ARHGAP32: variants seen among roughly 807,000 people sequenced by gnomAD.
ARHGAP32 encodes the protein rho GTPase-activating protein 32.
ARHGAP32 carries 51 observed loss-of-function variants against 186.5 expected under a neutral mutation model. That is an observed-to-expected ratio of 0.27 (90% CI 0.22 to 0.35). ARHGAP32 has a LOEUF of 0.35. ARHGAP32 is among the 10% of genes least tolerant of loss of function. The pLI is 1.00. For missense variants in ARHGAP32, 2,186 were observed against 2,623.5 expected (o/e 0.83, Z 3.64); for synonymous variants, 950 against 964.3 (o/e 0.99, Z 0.27).
chr11:129,061,297 G>A (rs1940493144), intron 10 of ARHGAP32, among the ~76,000 whole-genome samples: 1 of 152,120 alleles, frequency 6.6e-6, no homozygotes, highest in Non-Finnish European at 1.5e-5. Flanking sequence ...TGCTAAGTCA[G>A]TCTAATAGAT....
upstream of ARHGAP32, among the ~76,000 whole-genome samples, chr11:129,193,355 C>CCCTGTAGT (rs1944305178): frequency 8.7e-6 from 1 of 114,728 alleles, no homozygotes; most frequent in Middle Eastern, 4.9e-3. Context: ...TGGTGGTGCA[C>CCCTGTAGT]CCTGTAGTCC....
intron 5 of ARHGAP32, among the ~76,000 whole-genome samples, chr11:129,098,833 AC>A (rs1941810024): frequency 6.6e-6 from 1 of 152,214 alleles, no homozygotes; most frequent in Non-Finnish European, 1.5e-5. Context: ...AAAAGAGGAG[AC>A]CATGGAGCTA....
chr11:129,251,267 G>A lies in ARHGAP32; in HGVS notation c.-5+27879C>T, dbSNP rs1436512292. Among the ~76,000 whole-genome samples, 3 of 152,050 alleles carry A rather than the reference G, an allele frequency of 2.0e-5. No homozygotes were observed. The South Asian group carries it at 6.2e-4, about 31-fold the overall frequency. ...TCTCTCTTTCAATGAAATACGATGT[G>A]CTCCAAAAACCTAGGCTATGAAATA... On this transcript the variant is annotated intron_variant, in intron 1 of 6. Coordinates refer to the ARHGAP32 transcript ENST00000525234.
intron 1 of ARHGAP32, among the ~76,000 whole-genome samples, chr11:129,173,887 C>G (rs1051432640): frequency 6.6e-5 from 10 of 151,986 alleles, no homozygotes; most frequent in Non-Finnish European, 8.8e-5. Context: ...GTCTTATTCA[C>G]TTGGGGAAAA....
At chr11:129,043,531 C>T (rs761390536) in intron 10 of ARHGAP32, among the ~76,000 whole-genome samples, 2 of 151,892 alleles carry the variant, frequency 1.3e-5, no homozygotes, top group South Asian at 2.1e-4. Flanking sequence ...GGATTATACG[C>T]GTGCGCCACC....
In ARHGAP32 at chr11:129,064,152, A is replaced by T. The variant is rs1940609488; in HGVS notation, c.763-128T>A. Reference sequence around the variant, plus strand: ...CCAAAGAGTCTTAAAAAAAAAAACTACCATTTACTGGGTAGTAAAAATATG... The same window carrying T: ...CCAAAGAGTCTTAAAAAAAAAAACTTCCATTTACTGGGTAGTAAAAATATG... On this transcript the variant is annotated intron_variant, in intron 8 of 22. Transcript: ENST00000682385. 3 of 713,588 alleles carry T rather than the reference A, an allele frequency of 4.2e-6. No individual in the cohort carries two copies. In the South Asian group the frequency reaches 8.1e-5, roughly 19 times the overall value. The allele number at this position is 713,588 out of a possible 1,614,324, so 44.2% of individuals were successfully genotyped here.
chr11:129,058,060 C>T (rs991004285), intron 10 of ARHGAP32, among the ~76,000 whole-genome samples: 4 of 152,000 alleles, frequency 2.6e-5, no homozygotes, highest in Middle Eastern at 3.2e-3. Context: ...TATTTTACTA[C>T]AGTAGCCCTA....
chr11:129,150,337 C>CA (rs1334142874), intron 2 of ARHGAP32, among the ~76,000 whole-genome samples: 2 of 152,036 alleles, frequency 1.3e-5, no homozygotes, highest in Non-Finnish European at 2.9e-5. Context: ...ATATTCACCG[C>CA]AAAAAAATCA....
chr11:129,038,888 GAAAAAAA>G lies in ARHGAP32; in HGVS notation c.1045+2033_1045+2039del, dbSNP rs56810685. On this transcript the variant is annotated intron_variant, in intron 11 of 22. Coordinates refer to ENST00000682385, the MANE Select transcript of ARHGAP32 (RefSeq NM_001378024.1). ...TGGTGACAAAGAAAGACCCTGTCTC[GAAAAAAA>G]AAAAAAAAAAAAGAAAAAGAAAAAA... is the stretch of plus-strand genomic sequence containing the variant. Among the ~76,000 whole-genome samples, 691 of 92,202 alleles carry G rather than the reference GAAAAAAA, an allele frequency of 7.5e-3. 6 individuals are homozygous for G. Among genetic ancestry groups the G allele is most frequent in the African/African-American group, 0.026 (601 of 23,274 alleles). The allele number at this position is 92,202 out of a possible 152,430, so 60.5% of individuals were successfully genotyped here.
chr11:128,992,376 A>AT (rs1946081402), intron 12 of ARHGAP32, among the ~76,000 whole-genome samples: 2 of 152,136 alleles, frequency 1.3e-5, no homozygotes, highest in African/African-American at 4.8e-5. Flanking sequence ...AAAAAATACT[A>AT]ACTCTTATGA....
chr11:129,029,767 A>C (rs1939023789), intron 11 of ARHGAP32, among the ~76,000 whole-genome samples: 1 of 127,216 alleles, frequency 7.9e-6, no homozygotes, highest in Non-Finnish European at 1.6e-5. Context: ...GCACCACTGC[A>C]CTGCAGCCTG....
chr11:129,235,594 C>T (rs540960962), intron 1 of ARHGAP32, among the ~76,000 whole-genome samples: 10 of 152,172 alleles, frequency 6.6e-5, no homozygotes, highest in African/African-American at 2.4e-4. Context: ...AAACAGGTGG[C>T]GCTTGGTTAC....
intron 2 of ARHGAP32, among the ~76,000 whole-genome samples, chr11:129,133,786 T>G (rs1942873727): frequency 6.6e-6 from 1 of 152,128 alleles, no homozygotes; most frequent in Non-Finnish European, 1.5e-5. Context: ...AGAAGGAAAA[T>G]AACTCAGGTT....
intron 1 of ARHGAP32, among the ~76,000 whole-genome samples, chr11:129,230,174 A>T (rs921879670): frequency 6.6e-6 from 1 of 152,038 alleles, no homozygotes; most frequent in Non-Finnish European, 1.5e-5. Flanking sequence ...GAATTGGGAC[A>T]TTGGGTGGCA....
At chr11:129,008,773 G>C (rs1937917011) in intron 11 of ARHGAP32, among the ~76,000 whole-genome samples, 1 of 152,160 alleles carries the variant, frequency 6.6e-6, no homozygotes, top group South Asian at 2.1e-4. Context: ...TACAACCTCT[G>C]TTGTATCTGA....
At chr11:129,269,991 T>G (rs1033722140) in intron 1 of ARHGAP32, among the ~76,000 whole-genome samples, 1 of 151,894 alleles carries the variant, frequency 6.6e-6, no homozygotes, top group East Asian at 1.9e-4. Context: ...TCTTAACATA[T>G]GATCCCGCAA....
chr11:129,222,909 T>G (rs556536278), intron 1 of ARHGAP32, among the ~76,000 whole-genome samples: 3 of 152,334 alleles, frequency 2.0e-5, no homozygotes, highest in African/African-American at 7.2e-5. Context: ...CAGTATCCCC[T>G]TGACTAGCAA....
intron 1 of ARHGAP32, among the ~76,000 whole-genome samples, chr11:129,183,013 G>A (rs1190098414): frequency 6.6e-6 from 1 of 151,978 alleles, no homozygotes; most frequent in African/African-American, 2.4e-5. Context: ...TTCATCCTTG[G>A]TATGAGGTAG....
intron 1 of ARHGAP32, among the ~76,000 whole-genome samples, chr11:129,181,718 T>C (rs755820034): frequency 6.6e-6 from 1 of 152,154 alleles, no homozygotes; most frequent in African/African-American, 2.4e-5. Flanking sequence ...CTGAAGCCAG[T>C]TGGAATTCAG....
Sources: allele counts gnomAD v4.1 joint callset (sites outside exome capture counted in the v4.1 genomes callset), GRCh38; gene constraint gnomAD v4.1.1; transcripts MANE v1.5; gene names NCBI Gene and HGNC (gene_info 2026-07-23, HGNC 2026-07-21).